The following DNM3 variants were observed in gnomAD, a reference collection of about 807,000 sequenced individuals.
The protein encoded by DNM3 is dynamin-3.
DNM3 carries 47 observed loss-of-function variants against 101.6 expected under a neutral mutation model. The ratio of observed to expected loss-of-function variants is 0.46; its 90% CI spans 0.37 to 0.59. DNM3 has a LOEUF of 0.59. Ranked by LOEUF, DNM3 falls within the 20% of genes least tolerant of loss-of-function variation. The pLI is 0.00. For missense variants in DNM3, 849 were observed against 1,085.7 expected, an observed-to-expected ratio of 0.78 and a Z score of 3.06; for synonymous variants, 385 against 387.9, an observed-to-expected ratio of 0.99 and a Z score of 0.09.
At chr1:172,233,777 C>T (rs2061429682) in intron 14 of DNM3, among the ~76,000 whole-genome samples, 3 of 152,194 alleles carry the variant, frequency 2.0e-5, no homozygotes, top group Admixed American at 6.5e-5. Context: ...TAAACAGAAC[C>T]AACGACAAAA....
chr1:171,887,256 A>T (rs946875233), intron 1 of DNM3, among the ~76,000 whole-genome samples: 1 of 152,218 alleles, frequency 6.6e-6, no homozygotes, highest in African/African-American at 2.4e-5. Flanking sequence ...AAAAGTAAGG[A>T]TATTGAGGTG....
At chr1:172,336,050 G>A (rs2066411172) in intron 17 of DNM3, among the ~76,000 whole-genome samples, 1 of 152,116 alleles carries the variant, frequency 6.6e-6, no homozygotes, top group Non-Finnish European at 1.5e-5. Context: ...AATGTCTAAA[G>A]ACATATTTGA....
chr1:171,976,693 A>G (rs2125570758), intron 2 of DNM3, among the ~76,000 whole-genome samples: 1 of 152,344 alleles, frequency 6.6e-6, no homozygotes, highest in African/African-American at 2.4e-5. Flanking sequence ...AGATGAAATA[A>G]TGTTGGCGGC....
chr1:172,175,416 G>A (rs1293163195), intron 14 of DNM3, among the ~76,000 whole-genome samples: 1 of 151,592 alleles, frequency 6.6e-6, no homozygotes, highest in Admixed American at 6.6e-5. Flanking sequence ...AGTTATCATT[G>A]AATACTTACT....
intron 1 of DNM3, among the ~76,000 whole-genome samples, chr1:171,873,624 C>G (rs1032781445): frequency 6.6e-6 from 1 of 152,106 alleles, no homozygotes; most frequent in African/African-American, 2.4e-5. Context: ...GAGGTGACAG[C>G]ATTAATTGTG....
At chr1:172,200,611 CTTTAA>C (rs1312504856) in intron 14 of DNM3, among the ~76,000 whole-genome samples, 3 of 152,006 alleles carry the variant, frequency 2.0e-5, no homozygotes, top group African/African-American at 4.8e-5. Context: ...CCTTTTTATT[CTTTAA>C]TTTATTTTTT....
At chr1:172,166,126 G>A (rs2058735120) in intron 14 of DNM3, among the ~76,000 whole-genome samples, 1 of 151,960 alleles carries the variant, frequency 6.6e-6, no homozygotes, top group African/African-American at 2.4e-5. Flanking sequence ...TTTCCTCCAG[G>A]ATGCAAGCAC....
At chr1:172,194,932 A>T (rs1464460456) in intron 14 of DNM3, among the ~76,000 whole-genome samples, 1 of 152,054 alleles carries the variant, frequency 6.6e-6, no homozygotes, top group Admixed American at 6.6e-5. Context: ...TTTGCTCATT[A>T]GTTGATGCAG....
chr1:172,314,154 A>ACACGTATG (rs1314529068), intron 16 of DNM3, among the ~76,000 whole-genome samples: 2 of 152,202 alleles, frequency 1.3e-5, no homozygotes, highest in African/African-American at 2.4e-5. Flanking sequence ...AGACACATGC[A>ACACGTATG]CACGTATGTT....
At chr1:171,964,776 C>T (rs1044618154) in intron 2 of DNM3, among the ~76,000 whole-genome samples, 40 of 151,992 alleles carry the variant, frequency 2.6e-4, no homozygotes, top group Admixed American at 1.3e-4. Flanking sequence ...ACCAGAAAGT[C>T]GAATAAACAG....
At chr1:172,235,034 A>G (rs1342165363) in intron 14 of DNM3, among the ~76,000 whole-genome samples, 4 of 152,128 alleles carry the variant, frequency 2.6e-5, no homozygotes, top group Non-Finnish European at 5.9e-5. Flanking sequence ...TCTGCACAGC[A>G]AAAGAAACTA....
chr1:172,174,399 A>G (rs905006171), intron 14 of DNM3, among the ~76,000 whole-genome samples: 2 of 151,658 alleles, frequency 1.3e-5, no homozygotes, highest in Non-Finnish European at 1.5e-5. Flanking sequence ...TCTGTTTTGA[A>G]ATAAATTTGT....
At chr1:172,020,728 A>G (rs1416520955) in intron 4 of DNM3, among the ~76,000 whole-genome samples, 1 of 151,090 alleles carries the variant, frequency 6.6e-6, no homozygotes, top group Non-Finnish European at 1.5e-5. Context: ...CGTCAAAAAA[A>G]AAAAAAAAAA....
chr1:171,982,427 G>A (rs974871432), intron 2 of DNM3, among the ~76,000 whole-genome samples: 2 of 152,132 alleles, frequency 1.3e-5, no homozygotes, highest in African/African-American at 4.8e-5. Flanking sequence ...TTCCTGAAAA[G>A]CCAGGTCAGC....
At chr1:172,352,186 G>A (rs1328194802) in intron 17 of DNM3, among the ~76,000 whole-genome samples, 2 of 152,174 alleles carry the variant, frequency 1.3e-5, no homozygotes, top group African/African-American at 4.8e-5. Context: ...AAATCTCACT[G>A]TGAGTGTTAA....
At chr1:172,120,029 TC>T (rs2056206185) in intron 13 of DNM3, among the ~76,000 whole-genome samples, 1 of 152,190 alleles carries the variant, frequency 6.6e-6, no homozygotes, top group South Asian at 2.1e-4. Flanking sequence ...GTATCCTTTT[TC>T]CTCTCTCGAA....
At chr1:172,040,017 T>C (rs1325349315) in intron 7 of DNM3, among the ~76,000 whole-genome samples, 1 of 152,076 alleles carries the variant, frequency 6.6e-6, no homozygotes, top group Non-Finnish European at 1.5e-5. Context: ...TGAGGAAGGA[T>C]GTGAATTTGC....
intron 2 of DNM3, among the ~76,000 whole-genome samples, chr1:171,985,327 C>T (rs879595117): frequency 3.3e-5 from 5 of 151,864 alleles, no homozygotes; most frequent in African/African-American, 7.3e-5. Context: ...TTTTGTTTTT[C>T]GTATTGTTTT....
At chr1:172,037,040 T>C (rs1227128835) in intron 6 of DNM3, among the ~76,000 whole-genome samples, 2 of 152,016 alleles carry the variant, frequency 1.3e-5, no homozygotes, top group Admixed American at 1.3e-4. Flanking sequence ...CATGAAAAAA[T>C]GCTCACCATC....
Sources: gnomAD v4.1 joint callset for allele counts (sites outside exome capture counted in the v4.1 genomes callset) on GRCh38, gnomAD v4.1.1 for gene constraint, MANE v1.5 for transcripts, NCBI Gene and HGNC (gene_info 2026-07-23, HGNC 2026-07-21) for gene names.